SFMBT1: variants seen among roughly 807,000 people sequenced by gnomAD.
SFMBT1 encodes Scm like with four mbt domains 1.
In SFMBT1, 32 loss-of-function variants were observed where a neutral mutation model predicts 108.7. The ratio of observed to expected loss-of-function variants is 0.29; its 90% confidence interval spans 0.22 to 0.40. The LOEUF (loss-of-function observed/expected upper bound fraction) is 0.40, where lower values mean the gene tolerates loss of function less well. Ranked by LOEUF, SFMBT1 falls within the 10% of genes least tolerant of loss-of-function variation. SFMBT1 has a pLI of 1.00. For missense variants in SFMBT1, 816 were observed against 1,059.6 expected (o/e 0.77, Z 3.19); for synonymous variants, 348 against 369.5 (o/e 0.94, Z 0.67).
At chr3:52,971,788 A>C (rs1704353138) in intron 1 of SFMBT1, among the ~76,000 whole-genome samples, 1 of 152,222 alleles carries the variant, frequency 6.6e-6, no homozygotes, top group Non-Finnish European at 1.5e-5. Context: ...ATGATACAGC[A>C]GCTAGGCAAA....
intron 1 of SFMBT1, among the ~76,000 whole-genome samples, chr3:52,976,818 G>A (rs140988675): frequency 1.3e-5 from 2 of 152,148 alleles, no homozygotes; most frequent in East Asian, 3.9e-4. Context: ...ATAATTGTAG[G>A]GAATGACTGG....
chr3:53,029,881 C>T (rs1379857135), intron 1 of SFMBT1, among the ~76,000 whole-genome samples: 1 of 152,090 alleles, frequency 6.6e-6, no homozygotes, highest in Non-Finnish European at 1.5e-5. Context: ...GCACCCAGTT[C>T]CTCTACCCTT....
rs756506535 is a variant in SFMBT1 at position 52,913,572 on chromosome 3, T to C, written c.1526A>G (p.His509Arg). ...KYCCPKIYFN[H>R]RCFSGPYLNK... ...AAGATATGGCCCTGAGAAGCAACGG[T>C]GGTTGAAGTATATCTTTGGACAGCA... Residue 509 changes from histidine (H) to arginine (R), a missense_variant, in exon 15 of 21, where the codon CAC (histidine) becomes CGC (arginine). Coordinates refer to ENST00000394752, the MANE Select transcript of SFMBT1 (RefSeq NM_016329.4). The C allele has an allele frequency of 1.9e-6, 3 of 1,614,090 alleles. No homozygotes were observed. The South Asian group carries it at 3.3e-5, about 18-fold the overall frequency.
At chr3:53,012,913 G>A (rs1013609606) in intron 1 of SFMBT1, among the ~76,000 whole-genome samples, 3 of 151,522 alleles carry the variant, frequency 2.0e-5, no homozygotes, top group Admixed American at 6.6e-5. Flanking sequence ...ACTGATTGGA[G>A]CATATTTCAC....
intron 2 of SFMBT1, among the ~76,000 whole-genome samples, chr3:52,964,997 C>T (rs1704084196): frequency 6.6e-6 from 1 of 152,026 alleles, no homozygotes; most frequent in Non-Finnish European, 1.5e-5. Context: ...ATAAAAGAAC[C>T]AAAGGACTGG....
At chr3:52,962,808 C>CAAAAAAAAAAAA (rs369325114) in intron 2 of SFMBT1, among the ~76,000 whole-genome samples, 1,058 of 101,290 alleles carry the variant, frequency 0.01, 60 homozygotes, top group African/African-American at 0.037. Context: ...CTCCCTGTCT[C>CAAAAAAAAAAAA]AAAAAAAAAA....
At chr3:52,943,732 C>G (rs1287156704) in intron 3 of SFMBT1, 139 bp from the exon 4 acceptor site, 2 of 1,128,180 alleles carry the variant, frequency 1.8e-6, no homozygotes, top group Non-Finnish European at 2.6e-6. Context: ...AATTCCAATT[C>G]TAACTTACAG....
At chr3:53,021,993 T>A (rs1699322485) in intron 1 of SFMBT1, among the ~76,000 whole-genome samples, 1 of 152,144 alleles carries the variant, frequency 6.6e-6, no homozygotes, top group Non-Finnish European at 1.5e-5. Flanking sequence ...CCCCACCCAA[T>A]AAAGTTTCTT....
At chr3:53,005,042 A>C (rs1460680066) in intron 1 of SFMBT1, among the ~76,000 whole-genome samples, 1 of 152,196 alleles carries the variant, frequency 6.6e-6, no homozygotes, top group African/African-American at 2.4e-5. Context: ...GTAGTTTTGA[A>C]AAGTCAGGAG....
At chr3:53,042,793 T>TA (rs1206332743) in intron 1 of SFMBT1, among the ~76,000 whole-genome samples, 1 of 152,144 alleles carries the variant, frequency 6.6e-6, no homozygotes, top group Non-Finnish European at 1.5e-5. Context: ...TCTGATCACA[T>TA]AAAAGTCAAG....
At chr3:52,974,833 T>TA (rs10646648) in intron 1 of SFMBT1, among the ~76,000 whole-genome samples, 6,777 of 90,636 alleles carry the variant, frequency 0.075, 492 homozygotes, top group African/African-American at 0.2. Context: ...CTATAAAAAG[T>TA]AAAAAAAAAA....
intron 12 of SFMBT1, 28 bp from the exon 13 acceptor site, chr3:52,918,554 C>T: frequency 1.4e-6 from 2 of 1,419,692 alleles, no homozygotes; most frequent in South Asian, 1.3e-5. Context: ...TATATAAATG[C>T]CAAGAAAAAT....
intron 1 of SFMBT1, among the ~76,000 whole-genome samples, chr3:53,012,245 G>A (rs935668379): frequency 6.6e-6 from 1 of 152,248 alleles, no homozygotes. Flanking sequence ...TTCCAGTTGT[G>A]TGGTGGAAGC....
intron 2 of SFMBT1, among the ~76,000 whole-genome samples, chr3:52,955,434 T>A (rs1264206315): frequency 6.7e-6 from 1 of 149,232 alleles, no homozygotes; most frequent in Non-Finnish European, 1.5e-5. Flanking sequence ...AATAAATAAA[T>A]AAATAATAAA....
chr3:52,953,463 T>G, intron 3 of SFMBT1, among the ~76,000 whole-genome samples: 1 of 150,354 alleles, frequency 6.7e-6, no homozygotes, highest in Non-Finnish European at 1.5e-5. Context: ...AAAACCTAGG[T>G]CTAGATATAA....
At chr3:52,939,868 C>T (rs1167450300) in intron 4 of SFMBT1, among the ~76,000 whole-genome samples, 1 of 151,756 alleles carries the variant, frequency 6.6e-6, no homozygotes, top group Non-Finnish European at 1.5e-5. Flanking sequence ...CAGTTCTTGC[C>T]TAAGTTTTAC....
At chr3:52,988,392 C>A (rs2581824) in intron 1 of SFMBT1, among the ~76,000 whole-genome samples, 53,277 of 151,858 alleles carry the variant, frequency 0.35, 10,364 homozygotes, top group East Asian at 0.54. Context: ...AAAATCACGA[C>A]AGGCAACCAT....
chr3:52,977,996 G>A (rs1269130990), intron 1 of SFMBT1, among the ~76,000 whole-genome samples: 2 of 143,406 alleles, frequency 1.4e-5, no homozygotes, highest in Non-Finnish European at 3.1e-5. Context: ...CTTATTATGT[G>A]TCAGGCACAA....
chr3:52,951,804 T>C (rs1703604036), intron 3 of SFMBT1, among the ~76,000 whole-genome samples: 1 of 152,226 alleles, frequency 6.6e-6, no homozygotes, highest in Non-Finnish European at 1.5e-5. Flanking sequence ...CTTGCCCTCA[T>C]TCCCATAAAC....
Sources: allele counts gnomAD v4.1 joint callset (sites outside exome capture counted in the v4.1 genomes callset), GRCh38; gene constraint gnomAD v4.1.1; transcripts MANE v1.5; gene names NCBI Gene and HGNC (gene_info 2026-07-23, HGNC 2026-07-21).